Variants in NEK10 observed in about 807,000 individuals in gnomAD.
The protein encoded by NEK10 is serine/threonine-protein kinase Nek10.
A neutral mutation model predicts 159.8 loss-of-function variants in NEK10; 122 were observed. The ratio of observed to expected loss-of-function variants is 0.76; its 90% confidence interval spans 0.66 to 0.89. NEK10 has a LOEUF of 0.89. NEK10 is among the 40% of genes least tolerant of loss of function. The pLI, the probability that NEK10 is intolerant of heterozygous loss-of-function variation, is 0.00. For missense variants in NEK10, 1,342 were observed against 1,323.1 expected (o/e 1.01, Z -0.22); for synonymous variants, 466 against 457.1 (o/e 1.02, Z -0.25).
At chr3:27,216,808 C>G (rs1237166963) in intron 23 of NEK10, among the ~76,000 whole-genome samples, 2 of 152,184 alleles carry the variant, frequency 1.3e-5, no homozygotes, top group South Asian at 2.1e-4. Context: ...CCTGTTCAAA[C>G]TGCAGAATTT....
chr3:27,244,246 C>G (rs1483766264), intron 23 of NEK10, among the ~76,000 whole-genome samples: 1 of 152,102 alleles, frequency 6.6e-6, no homozygotes, highest in African/African-American at 2.4e-5. Flanking sequence ...GGAGATACAC[C>G]AAAAGTTTGG....
At chr3:27,252,815 A>C (rs2149307922) in intron 23 of NEK10, 2 of 462,176 alleles carry the variant, frequency 4.3e-6, no homozygotes, top group East Asian at 6.2e-5. Context: ...GAATTGTTAA[A>C]GTTTGGTTTG....
At chr3:27,304,482 C>CTTCTACA (rs2044079020) in intron 12 of NEK10, among the ~76,000 whole-genome samples, 1 of 152,046 alleles carries the variant, frequency 6.6e-6, no homozygotes, top group South Asian at 2.1e-4. Flanking sequence ...GATTGATGGC[C>CTTCTACA]TTCTACATTC....
At chr3:27,289,012 T>C (rs1470651030) in intron 19 of NEK10, among the ~76,000 whole-genome samples, 3 of 152,178 alleles carry the variant, frequency 2.0e-5, no homozygotes, top group Admixed American at 6.5e-5. Context: ...AGAGGAAGCA[T>C]GTGTGCTTCC....
intron 29 of NEK10, among the ~76,000 whole-genome samples, chr3:27,171,551 G>A (rs757375320): frequency 5.9e-5 from 9 of 152,076 alleles, no homozygotes; most frequent in East Asian, 5.8e-4. Context: ...CTACCCCGCC[G>A]GCCCACCCTT....
chr3:27,123,068 T>C (rs1353444464), intron 32 of NEK10, among the ~76,000 whole-genome samples: 5 of 152,338 alleles, frequency 3.3e-5, no homozygotes, highest in South Asian at 4.1e-4. Flanking sequence ...TTTCTAGATA[T>C]ACACATTGTT....
chr3:27,301,193 A>G (rs533780032), intron 13 of NEK10, among the ~76,000 whole-genome samples: 1 of 152,214 alleles, frequency 6.6e-6, no homozygotes, highest in Non-Finnish European at 1.5e-5. Flanking sequence ...GCCAAAAAGC[A>G]TTGATGCATT....
chr3:27,341,896 T>C lies in NEK10; in HGVS notation c.362+2376A>G, dbSNP rs543312055. Among the ~76,000 whole-genome samples, 9 of 152,266 alleles carry C rather than the reference T, an allele frequency of 5.9e-5. No homozygotes were observed. The East Asian group carries it at 1.3e-3, about 23-fold the overall frequency. The stretch of plus-strand genomic sequence containing the variant: ...AATAAGTCATATTTTCAGGGCAAAA[T>C]TGAGTAGCATAACACGCTGAATGTC... On this transcript the variant is annotated intron_variant, in intron 5 of 35. Transcript: ENST00000691995.
intron 23 of NEK10, among the ~76,000 whole-genome samples, chr3:27,202,905 T>C (rs1398883959): frequency 6.6e-6 from 1 of 152,212 alleles, no homozygotes; most frequent in Non-Finnish European, 1.5e-5. Context: ...CCCATCCTTG[T>C]GGTAGCCTCT....
intron 23 of NEK10, among the ~76,000 whole-genome samples, chr3:27,243,573 C>T (rs1053039325): frequency 6.6e-6 from 1 of 152,094 alleles, no homozygotes; most frequent in African/African-American, 2.4e-5. Flanking sequence ...CCCTTCTATA[C>T]ATATACTGTC....
chr3:27,178,135 G>A (rs768105019), intron 26 of NEK10, among the ~76,000 whole-genome samples: 4 of 152,234 alleles, frequency 2.6e-5, no homozygotes, highest in Non-Finnish European at 4.4e-5. Flanking sequence ...CTGTCACCAC[G>A]CTAGTATTGG....
intron 5 of NEK10, among the ~76,000 whole-genome samples, chr3:27,331,408 A>G (rs757257395): frequency 3.3e-5 from 5 of 152,130 alleles, no homozygotes; most frequent in Non-Finnish European, 7.4e-5. Flanking sequence ...TTCTTAGGCA[A>G]TAAGGAACCT....
intron 13 of NEK10, among the ~76,000 whole-genome samples, chr3:27,301,425 A>G (rs2043815018): frequency 6.6e-6 from 1 of 152,176 alleles, no homozygotes; most frequent in African/African-American, 2.4e-5. Flanking sequence ...CTTTCCTCAT[A>G]ATAAAGCTAA....
intron 23 of NEK10, among the ~76,000 whole-genome samples, chr3:27,213,866 G>C (rs1027538646): frequency 6.6e-6 from 1 of 152,172 alleles, no homozygotes. Flanking sequence ...TGTCTCTTGT[G>C]GGGGAAATGC....
At chr3:27,299,173 G>A (rs1055951133) in intron 13 of NEK10, among the ~76,000 whole-genome samples, 11 of 152,108 alleles carry the variant, frequency 7.2e-5, no homozygotes, top group Admixed American at 5.9e-4. Context: ...AGGGAAAAAC[G>A]GTTTCATGGA....
intron 23 of NEK10, among the ~76,000 whole-genome samples, chr3:27,241,024 C>T (rs541353462): frequency 2.0e-5 from 3 of 152,172 alleles, no homozygotes; most frequent in African/African-American, 7.2e-5. Context: ...AAAGTTGGTA[C>T]AGGGAGTAGC....
intron 22 of NEK10, among the ~76,000 whole-genome samples, chr3:27,284,310 C>T (rs1054278330): frequency 5.3e-5 from 8 of 152,042 alleles, no homozygotes; most frequent in South Asian, 2.1e-4. Flanking sequence ...ACTTGAAACC[C>T]GGGAGGTGGA....
At chr3:27,231,925 T>C (rs1393155166) in intron 23 of NEK10, among the ~76,000 whole-genome samples, 1 of 151,854 alleles carries the variant, frequency 6.6e-6, no homozygotes, top group Non-Finnish European at 1.5e-5. Context: ...AGAATTGGTG[T>C]TGATTCTACT....
chr3:27,133,893 G>A (rs916104422), intron 31 of NEK10, among the ~76,000 whole-genome samples: 1 of 152,162 alleles, frequency 6.6e-6, no homozygotes, highest in Non-Finnish European at 1.5e-5. Context: ...ATGTTTTGTA[G>A]GTTGGCAGCA....
Sources: allele counts gnomAD v4.1 joint callset (sites outside exome capture counted in the v4.1 genomes callset), GRCh38; gene constraint gnomAD v4.1.1; transcripts MANE v1.5; gene names NCBI Gene and HGNC (gene_info 2026-07-23, HGNC 2026-07-21).